The following CDC42BPA variants were observed in gnomAD, a reference collection of about 807,000 sequenced individuals.
CDC42BPA encodes CDC42 binding protein kinase alpha, also known as serine/threonine-protein kinase MRCK alpha.
In CDC42BPA, 80 loss-of-function variants were observed where a neutral mutation model predicts 223.5. The ratio of observed to expected loss-of-function variants is 0.36; its 90% confidence interval spans 0.30 to 0.43. The LOEUF (loss-of-function observed/expected upper bound fraction) is 0.43. CDC42BPA is among the 20% of genes least tolerant of loss of function. CDC42BPA has a pLI of 1.00. For synonymous variants in CDC42BPA, 694 were observed against 718.6 expected, an observed-to-expected ratio of 0.97 and a Z score of 0.55; for missense variants, 1,743 against 2,099.9, an observed-to-expected ratio of 0.83 and a Z score of 3.32.
At chr1:227,196,426 G>A (rs1013261911) in intron 4 of CDC42BPA, among the ~76,000 whole-genome samples, 5 of 133,422 alleles carry the variant, frequency 3.7e-5, no homozygotes, top group African/African-American at 5.7e-5. Context: ...TGCAAGCTCC[G>A]CCTCCAGGGT....
At chr1:227,257,776 T>C (rs961061229) in intron 1 of CDC42BPA, among the ~76,000 whole-genome samples, 3 of 150,216 alleles carry the variant, frequency 2.0e-5, no homozygotes, top group Non-Finnish European at 4.4e-5. Context: ...AAGAAAACTT[T>C]TTTAAAAATC....
intron 2 of CDC42BPA, among the ~76,000 whole-genome samples, chr1:227,223,806 T>C (rs1676358042): frequency 6.6e-6 from 1 of 152,188 alleles, no homozygotes; most frequent in African/African-American, 2.4e-5. Context: ...TAGAAAGCCA[T>C]ATGAGACTCT....
Position 226,994,524 on chromosome 1 carries a change from C to G in CDC42BPA, c.5134-125G>C, listed in dbSNP as rs752037923. The G allele has an allele frequency of 7.1e-6, 8 of 1,124,866 alleles. No individual in the cohort carries two copies. The highest frequency in any genetic ancestry group is 9.8e-6 in the Non-Finnish European group (8 of 817,928). The allele number at this position is 1,124,866 out of a possible 1,614,324, so 69.7% of individuals were successfully genotyped here. ...TAACCCCATGGGGCGGCCTCACTGT[C>G]GGTATAAAGCCCCTTCTATGAGCTG... On this transcript the variant is annotated intron_variant, in intron 36 of 36. Transcript: ENST00000366766. This position sits in a 1 kb window ranked among gnomAD's most constrained non-coding sequence, Gnocchi z 4.0.
chr1:227,028,524 T>C (rs867464502), intron 30 of CDC42BPA, 133 bp downstream of exon 30: 3 of 611,066 alleles, frequency 4.9e-6, no homozygotes, highest in Non-Finnish European at 8.2e-6. Context: ...ACATAATCAA[T>C]ACTGAGGAAA....
chr1:227,254,878 G>A (rs1327267743), intron 1 of CDC42BPA, among the ~76,000 whole-genome samples: 3 of 152,106 alleles, frequency 2.0e-5, no homozygotes, highest in Non-Finnish European at 4.4e-5. Flanking sequence ...TGCTTTGCCT[G>A]GGTTTGACAA....
At chr1:227,115,931 T>C (rs939733504) in intron 12 of CDC42BPA, among the ~76,000 whole-genome samples, 1 of 151,596 alleles carries the variant, frequency 6.6e-6, no homozygotes, top group Non-Finnish European at 1.5e-5. Context: ...TTTTGAAAAT[T>C]AGTAAATCAG....
chr1:227,120,442 A>G (rs1202866906), intron 11 of CDC42BPA, among the ~76,000 whole-genome samples: 14 of 152,196 alleles, frequency 9.2e-5, no homozygotes, highest in Admixed American at 8.5e-4. Flanking sequence ...CTCCTGATCT[A>G]AATCAATTCT....
chr1:227,211,021 C>T (rs1263212621), intron 3 of CDC42BPA, among the ~76,000 whole-genome samples: 1 of 152,170 alleles, frequency 6.6e-6, no homozygotes. Context: ...TATCTCCCTC[C>T]CTTCCCTTCT....
At chr1:227,305,649 C>T (rs1484965537) in intron 1 of CDC42BPA, among the ~76,000 whole-genome samples, 1 of 152,116 alleles carries the variant, frequency 6.6e-6, no homozygotes, top group East Asian at 1.9e-4. Context: ...TCAAATTTGA[C>T]ACCACTTTTT....
chr1:227,132,276 G>T (rs916576767), intron 10 of CDC42BPA, among the ~76,000 whole-genome samples: 2 of 152,188 alleles, frequency 1.3e-5, no homozygotes, highest in Admixed American at 1.3e-4. Context: ...AGTGCCTCAG[G>T]CGCGCCGCCA....
intron 24 of CDC42BPA, among the ~76,000 whole-genome samples, chr1:227,039,712 G>GA (rs946500858): frequency 3.1e-4 from 44 of 143,616 alleles, no homozygotes; most frequent in South Asian, 6.6e-4. Context: ...GATGTTAGGG[G>GA]AAAAAAAAAA....
chr1:227,089,773 G>GA (rs1437708774), intron 16 of CDC42BPA, among the ~76,000 whole-genome samples: 1 of 151,440 alleles, frequency 6.6e-6, no homozygotes, highest in African/African-American at 2.4e-5. Context: ...GAGAAGTTTT[G>GA]AAAAATTCTC....
chr1:227,251,208 TG>T (rs999393410), intron 2 of CDC42BPA, among the ~76,000 whole-genome samples: 1 of 150,188 alleles, frequency 6.7e-6, no homozygotes, highest in African/African-American at 2.5e-5. Context: ...CAAATATAAA[TG>T]GAACTAAAAT....
At chr1:227,214,067 G>A (rs1041494529) in intron 2 of CDC42BPA, among the ~76,000 whole-genome samples, 2 of 152,126 alleles carry the variant, frequency 1.3e-5, no homozygotes. Context: ...GAACGAGGAT[G>A]TTTCCAGTTA....
intron 23 of CDC42BPA, among the ~76,000 whole-genome samples, chr1:227,045,325 G>GT (rs2148814140): frequency 6.6e-6 from 1 of 152,182 alleles, no homozygotes; most frequent in African/African-American, 2.4e-5. Flanking sequence ...TTTGCCTTGG[G>GT]TAAGTATGTC....
intron 21 of CDC42BPA, among the ~76,000 whole-genome samples, chr1:227,063,856 T>G (rs1676441245): frequency 6.6e-6 from 1 of 152,218 alleles, no homozygotes; most frequent in Non-Finnish European, 1.5e-5. Context: ...AAGCCTCGGA[T>G]TTCTGTAACT....
chr1:227,048,753 G>GAAAAAAAAAAAAAAA (rs34655609), intron 22 of CDC42BPA, among the ~76,000 whole-genome samples: 1 of 112,554 alleles, frequency 8.9e-6, no homozygotes, highest in Non-Finnish European at 1.8e-5. Context: ...AAAGTAGTGA[G>GAAAAAAAAAAAAAAA]AAAAAAAAAA....
chr1:227,234,184 TG>T, intron 2 of CDC42BPA: 1 of 152,356 alleles, frequency 6.6e-6, no homozygotes, highest in East Asian at 1.9e-4. Flanking sequence ...AGAGTGGGTC[TG>T]GCCACCTTTT....
intron 24 of CDC42BPA, among the ~76,000 whole-genome samples, chr1:227,036,993 G>C (rs1670405479): frequency 6.6e-6 from 1 of 152,102 alleles, no homozygotes; most frequent in Non-Finnish European, 1.5e-5. Flanking sequence ...AGAAAAGATA[G>C]GCACAATTTC....
Sources: allele counts gnomAD v4.1 joint callset (sites outside exome capture counted in the v4.1 genomes callset), GRCh38; gene constraint gnomAD v4.1.1; non-coding constraint Gnocchi (gnomAD v3.1); transcripts MANE v1.5; gene names NCBI Gene and HGNC (gene_info 2026-07-23, HGNC 2026-07-21).